The following EFCAB6 variants were observed in gnomAD, a reference collection of about 807,000 sequenced individuals.
EFCAB6 encodes the protein EF-hand calcium-binding domain-containing protein 6.
In EFCAB6, 156 loss-of-function variants were observed where a neutral mutation model predicts 169.8. The ratio of observed to expected loss-of-function variants is 0.92; its 90% CI spans 0.81 to 1.05. The LOEUF is 1.05. Ranked by LOEUF, EFCAB6 falls within the 50% of genes least tolerant of loss-of-function variation. The pLI is 0.00. For synonymous variants in EFCAB6, 698 were observed against 676.4 expected (o/e 1.03, Z -0.50); for missense variants, 1,800 against 1,829.1 (o/e 0.98, Z 0.29).
intron 23 of EFCAB6, among the ~76,000 whole-genome samples, chr22:43,598,317 A>AAAAAC (rs2052198317): frequency 6.7e-6 from 1 of 148,150 alleles, no homozygotes; most frequent in African/African-American, 2.5e-5. Flanking sequence ...CCGGGAAAAA[A>AAAAAC]AAAAAAAAAA....
intron 4 of EFCAB6, among the ~76,000 whole-genome samples, chr22:43,767,121 A>G (rs1035150489): frequency 3.9e-4 from 59 of 152,198 alleles, no homozygotes; most frequent in African/African-American, 1.4e-3. Context: ...ACAAAGTACA[A>G]TTTCCCATAC....
chr22:43,684,862 C>A (rs1186845403), intron 11 of EFCAB6, among the ~76,000 whole-genome samples: 2 of 152,180 alleles, frequency 1.3e-5, no homozygotes, highest in Admixed American at 6.5e-5. Flanking sequence ...TGTGGGGACT[C>A]ACTGCAGAGT....
chr22:43,596,237 C>T (rs2051998278), intron 23 of EFCAB6, among the ~76,000 whole-genome samples: 1 of 151,952 alleles, frequency 6.6e-6, no homozygotes, highest in African/African-American at 2.4e-5. Context: ...TACTGGAAGT[C>T]ATAACCTGAG....
chr22:43,667,390 T>C (rs975328640), intron 16 of EFCAB6, 118 bp from the exon 17 acceptor site: 12 of 1,294,510 alleles, frequency 9.3e-6, no homozygotes, highest in Non-Finnish European at 1.3e-5. Context: ...CATCCTCGGT[T>C]CACTAGCTGG....
intron 2 of EFCAB6, among the ~76,000 whole-genome samples, chr22:43,790,396 A>G (rs1435669035): frequency 6.6e-6 from 1 of 152,272 alleles, no homozygotes; most frequent in African/African-American, 2.4e-5. Context: ...CTGGAGATCA[A>G]TGAACAAAAT....
At chr22:43,704,461 G>A (rs556371714) in intron 10 of EFCAB6, among the ~76,000 whole-genome samples, 1 of 152,262 alleles carries the variant, frequency 6.6e-6, no homozygotes, top group South Asian at 2.1e-4. Flanking sequence ...ACGCAGTCAT[G>A]TTTAGAATAC....
chr22:43,777,238 T>C (rs1347429163), intron 3 of EFCAB6, among the ~76,000 whole-genome samples: 5 of 152,332 alleles, frequency 3.3e-5, no homozygotes, highest in African/African-American at 9.6e-5. Context: ...TTTAGCCAGT[T>C]CCGGTCTGAG....
At chr22:43,597,592 A>G (rs970720875) in intron 23 of EFCAB6, among the ~76,000 whole-genome samples, 3 of 152,192 alleles carry the variant, frequency 2.0e-5, no homozygotes, top group Admixed American at 6.5e-5. Flanking sequence ...AAGACAAAAT[A>G]TAAATGCTGG....
intron 10 of EFCAB6, among the ~76,000 whole-genome samples, chr22:43,697,803 G>A (rs1018694084): frequency 4.6e-5 from 7 of 152,096 alleles, no homozygotes; most frequent in African/African-American, 1.4e-4. Flanking sequence ...TAGAGACATC[G>A]TAGCATGTGA....
chr22:43,724,466 C>T (rs1302637103), intron 8 of EFCAB6, among the ~76,000 whole-genome samples: 4 of 149,364 alleles, frequency 2.7e-5, no homozygotes, highest in Admixed American at 1.4e-4. Flanking sequence ...CTCCTGGGTT[C>T]AAGTGATTCT....
At chr22:43,780,632 G>C (rs1444148637) in intron 3 of EFCAB6, among the ~76,000 whole-genome samples, 1 of 152,116 alleles carries the variant, frequency 6.6e-6, no homozygotes, top group Non-Finnish European at 1.5e-5. Context: ...ATTGAACTGG[G>C]ATGCATTTAT....
At chr22:43,652,122 A>T (rs544475670) in intron 17 of EFCAB6, among the ~76,000 whole-genome samples, 1 of 152,270 alleles carries the variant, frequency 6.6e-6, no homozygotes, top group Non-Finnish European at 1.5e-5. Context: ...CAGGGGCAGA[A>T]TGATATGGTT....
At chr22:43,622,665 T>C (rs1164833151) in intron 20 of EFCAB6, among the ~76,000 whole-genome samples, 1 of 152,246 alleles carries the variant, frequency 6.6e-6, no homozygotes, top group Non-Finnish European at 1.5e-5. Flanking sequence ...GATTTTAATC[T>C]TACTATATCT....
intron 12 of EFCAB6, among the ~76,000 whole-genome samples, chr22:43,680,054 C>T (rs949777257): frequency 6.6e-6 from 1 of 152,136 alleles, no homozygotes; most frequent in African/African-American, 2.4e-5. Context: ...GTTTGCCTAA[C>T]ACAAGGTCAC....
At chr22:43,598,791 T>G (rs983464841) in intron 23 of EFCAB6, among the ~76,000 whole-genome samples, 1 of 152,182 alleles carries the variant, frequency 6.6e-6, no homozygotes, top group Non-Finnish European at 1.5e-5. Context: ...CCCACACATT[T>G]TTTAAAAAAT....
At chr22:43,623,525 T>C (rs1008400834) in intron 20 of EFCAB6, among the ~76,000 whole-genome samples, 3 of 151,958 alleles carry the variant, frequency 2.0e-5, no homozygotes, top group Non-Finnish European at 1.5e-5. Flanking sequence ...AAGTATTGTG[T>C]TTTTATGATA....
chr22:43,790,135 G>A (rs1020100289), intron 2 of EFCAB6, among the ~76,000 whole-genome samples: 3 of 152,112 alleles, frequency 2.0e-5, no homozygotes, highest in African/African-American at 7.2e-5. Context: ...ACTCTGCCTT[G>A]CACTGTACAG....
chr22:43,536,765 G>A (rs1395786015), intron 29 of EFCAB6: 1 of 152,204 alleles, frequency 6.6e-6, no homozygotes, highest in Non-Finnish European at 1.5e-5. Context: ...CTTGAACCTG[G>A]AAGACGGAGG....
chr22:43,694,637 G>A (rs1480970464), intron 10 of EFCAB6, among the ~76,000 whole-genome samples: 1 of 152,024 alleles, frequency 6.6e-6, no homozygotes, highest in East Asian at 1.9e-4. Flanking sequence ...CTCCTAGGAT[G>A]CAAGGTTGGC....
Sources: allele counts gnomAD v4.1 joint callset (sites outside exome capture counted in the v4.1 genomes callset), GRCh38; gene constraint gnomAD v4.1.1; transcripts MANE v1.5; gene names NCBI Gene and HGNC (gene_info 2026-07-23, HGNC 2026-07-21).